Variants in NKAIN2 observed in about 807,000 individuals in gnomAD.
NKAIN2 encodes the protein sodium/potassium-transporting ATPase subunit beta-1-interacting protein 2.
NKAIN2 carries 14 observed loss-of-function variants against 32.6 expected under a neutral mutation model. The observed-to-expected ratio is 0.43, with a 90% CI of 0.28 to 0.67. NKAIN2 has a LOEUF of 0.67. Ranked by LOEUF, NKAIN2 falls within the 30% of genes least tolerant of loss-of-function variation. The probability of loss-of-function intolerance (pLI) is 0.17; values close to 1 mark genes in which losing one functional copy is unlikely to be tolerated. For synonymous variants in NKAIN2, 80 were observed against 87.2 expected (o/e 0.92, Z 0.46); for missense variants, 198 against 258.3 (o/e 0.77, Z 1.60).
At chr6:124,089,335 G>A (rs935937861) in intron 1 of NKAIN2, among the ~76,000 whole-genome samples, 13 of 151,656 alleles carry the variant, frequency 8.6e-5, no homozygotes, top group African/African-American at 3.1e-4. Flanking sequence ...AAGTTGTTTA[G>A]CATCTAGTTG....
At position 124,059,094 on chromosome 6, in the gene NKAIN2, TA is replaced by T. The variant is rs148637808; in HGVS notation, c.55-223901del. On this transcript the variant is annotated intron_variant, in intron 1 of 6. Coordinates refer to ENST00000368417, the MANE Select transcript of NKAIN2 (RefSeq NM_001040214.3). ...ATAAACATATTAGAATGGAAAGTGG[TA>T]AAAAAAAAACTGACAAAGAAAAGGG... Among the ~76,000 whole-genome samples, 172 of 148,738 alleles carry T rather than the reference TA, an allele frequency of 1.2e-3. 1 individual carries two copies. The highest frequency in any genetic ancestry group is 3.5e-3 in the African/African-American group (144 of 40,616).
intron 1 of NKAIN2, among the ~76,000 whole-genome samples, chr6:123,866,652 G>A (rs1385317547): frequency 5.3e-5 from 8 of 151,994 alleles, no homozygotes; most frequent in Admixed American, 4.6e-4. Flanking sequence ...GGATGGTCTC[G>A]AACTCCTGAC....
At chr6:124,539,181 T>C (rs1158934633) in intron 3 of NKAIN2, among the ~76,000 whole-genome samples, 1 of 132,178 alleles carries the variant, frequency 7.6e-6, no homozygotes, top group East Asian at 2.3e-4. Context: ...TAATCAGAGA[T>C]ATTTAATGGT....
At chr6:123,913,059 A>G (rs1775302651) in intron 1 of NKAIN2, among the ~76,000 whole-genome samples, 1 of 152,164 alleles carries the variant, frequency 6.6e-6, no homozygotes. Context: ...GCAGGCCAAT[A>G]TGCGTAGGTC....
chr6:124,509,725 G>T (rs931633006), intron 3 of NKAIN2, among the ~76,000 whole-genome samples: 5 of 152,202 alleles, frequency 3.3e-5, no homozygotes, highest in Non-Finnish European at 7.4e-5. Flanking sequence ...TGCAGAACCA[G>T]GTGGTTTGGC....
chr6:124,480,724 A>C (rs676228), intron 3 of NKAIN2, among the ~76,000 whole-genome samples: 115,495 of 151,746 alleles, frequency 0.76, 44,066 homozygotes, highest in East Asian at 0.86. Flanking sequence ...TTTTATTCTT[A>C]GGATTTCTTT....
rs543895152 is a variant in NKAIN2 at position 124,034,125 on chromosome 6, A to G, written c.54+229871A>G. On this transcript the variant is annotated intron_variant, in intron 1 of 6. Transcript: ENST00000368417. ...TTTGTATAACCTGTGTTTCTTTTTTATTTTTCTTTATTTTCATTTTAGATT... is the reference window on the plus strand; with the variant it reads ...TTTGTATAACCTGTGTTTCTTTTTTGTTTTTCTTTATTTTCATTTTAGATT... Among the ~76,000 whole-genome samples the G allele has an allele frequency of 5.3e-5, 8 of 151,628 alleles. No homozygotes were observed. The South Asian group carries it at 1.5e-3, about 28-fold the overall frequency.
At chr6:124,720,473 C>T (rs568441774) in intron 4 of NKAIN2, among the ~76,000 whole-genome samples, 1 of 152,240 alleles carries the variant, frequency 6.6e-6, no homozygotes, top group Admixed American at 6.5e-5. Flanking sequence ...TTTAAATACA[C>T]ACAGAAATAG....
At chr6:124,300,586 A>G (rs1796253145) in intron 2 of NKAIN2, among the ~76,000 whole-genome samples, 1 of 152,240 alleles carries the variant, frequency 6.6e-6, no homozygotes. Flanking sequence ...TCAGAAGAAG[A>G]TAAGAAAATG....
chr6:124,556,708 A>T (rs1189407765), intron 3 of NKAIN2, among the ~76,000 whole-genome samples: 1 of 152,234 alleles, frequency 6.6e-6, no homozygotes, highest in East Asian at 1.9e-4. Flanking sequence ...ATGTAAAATT[A>T]GTCCCCACAA....
chr6:123,820,921 T>A (rs1773895959), intron 1 of NKAIN2, among the ~76,000 whole-genome samples: 1 of 152,208 alleles, frequency 6.6e-6, no homozygotes, highest in Admixed American at 6.5e-5. Flanking sequence ...AAGTTAAAAT[T>A]GCAGTTTTAG....
At chr6:124,099,857 G>T (rs1223476004) in intron 1 of NKAIN2, among the ~76,000 whole-genome samples, 2 of 152,116 alleles carry the variant, frequency 1.3e-5, no homozygotes, top group African/African-American at 4.8e-5. Context: ...GAAAGAGAGG[G>T]TTAAAGCCTT....
At chr6:124,529,584 T>C (rs747368948) in intron 3 of NKAIN2, among the ~76,000 whole-genome samples, 3 of 152,138 alleles carry the variant, frequency 2.0e-5, no homozygotes, top group African/African-American at 4.8e-5. Flanking sequence ...AAACCCTGCT[T>C]TGGCCAGGTC....
At chr6:124,158,721 G>C (rs1788115084) in intron 1 of NKAIN2, among the ~76,000 whole-genome samples, 1 of 152,152 alleles carries the variant, frequency 6.6e-6, no homozygotes, top group African/African-American at 2.4e-5. Flanking sequence ...AGTGATAAGA[G>C]ACATCCAGTT....
intron 1 of NKAIN2, among the ~76,000 whole-genome samples, chr6:123,812,023 T>A (rs1773497070): frequency 6.6e-6 from 1 of 152,204 alleles, no homozygotes; most frequent in Non-Finnish European, 1.5e-5. Flanking sequence ...GACATTCTAC[T>A]GAGCAAGAAC....
intron 4 of NKAIN2, among the ~76,000 whole-genome samples, chr6:124,752,898 C>CT: frequency 6.6e-6 from 1 of 152,176 alleles, no homozygotes; most frequent in South Asian, 2.1e-4. Flanking sequence ...GCCTCATAGA[C>CT]TACACATCAA....
At chr6:124,218,273 G>A (rs531740523) in intron 1 of NKAIN2, among the ~76,000 whole-genome samples, 2 of 152,170 alleles carry the variant, frequency 1.3e-5, no homozygotes, top group East Asian at 1.9e-4. Context: ...GTTTTGGCGC[G>A]TGCGTGGAGT....
chr6:124,107,222 A>C (rs2114961860), intron 1 of NKAIN2, among the ~76,000 whole-genome samples: 1 of 152,298 alleles, frequency 6.6e-6, no homozygotes, highest in South Asian at 2.1e-4. Context: ...GTGAGGCCGT[A>C]CCCGCAGAGC....
chr6:124,506,975 CAG>C, intron 3 of NKAIN2, among the ~76,000 whole-genome samples: 1 of 152,328 alleles, frequency 6.6e-6, no homozygotes, highest in East Asian at 1.9e-4. Context: ...GCAATCCTGA[CAG>C]AAGCTCCAAG....
Sources: allele counts gnomAD v4.1 joint callset (sites outside exome capture counted in the v4.1 genomes callset), GRCh38; gene constraint gnomAD v4.1.1; transcripts MANE v1.5; gene names NCBI Gene and HGNC (gene_info 2026-07-23, HGNC 2026-07-21).